The following SYTL2 variants were observed in gnomAD, a reference collection of about 807,000 sequenced individuals.
SYTL2 encodes synaptotagmin-like protein 2.
A neutral mutation model predicts 198.7 loss-of-function variants in SYTL2; 165 were observed. The observed-to-expected ratio is 0.83, with a 90% CI of 0.73 to 0.94. The LOEUF (loss-of-function observed/expected upper bound fraction) is 0.94, where lower values mean the gene tolerates loss of function less well. SYTL2 is among the 40% of genes least tolerant of loss of function. The pLI, the probability that SYTL2 is intolerant of heterozygous loss-of-function variation, is 0.00. For synonymous variants in SYTL2, 966 were observed against 917.7 expected, an observed-to-expected ratio of 1.05 and a Z score of -0.95; for missense variants, 2,835 against 2,582.8, an observed-to-expected ratio of 1.10 and a Z score of -2.12.
chr11:85,728,787 G>C (rs947247514), intron 7 of SYTL2, among the ~76,000 whole-genome samples: 1 of 152,098 alleles, frequency 6.6e-6, no homozygotes, highest in African/African-American at 2.4e-5. Context: ...TTTCAAATAA[G>C]ACTAAACAAG....
intron 1 of SYTL2, among the ~76,000 whole-genome samples, chr11:85,790,099 A>G (rs1207706137): frequency 1.3e-5 from 2 of 152,134 alleles, no homozygotes; most frequent in African/African-American, 4.8e-5. Context: ...CACAGCCTGA[A>G]GGTAATTTTT....
Position 85,726,140 on chromosome 11 carries a change from G to A in SYTL2, c.3218C>T (p.Pro1073Leu), listed in dbSNP as rs2089140198. 2.5e-6 allele frequency: 4 copies of A among 1,613,974 alleles called. No individual in the cohort carries two copies. The South Asian group carries it at 3.3e-5, about 13-fold the overall frequency. Residue 1073 changes from proline (P) to leucine (L), a missense_variant, in exon 8 of 20, where the codon CCA becomes CTA. Around this residue, in one of 3 missense-constraint regions of SYTL2, gnomAD observed 2,645 missense variants for 2,381.7 expected, o/e 1.11. Transcript: ENST00000359152. ...LPDEITFPLSPLRKYTYQLPG... is the reference protein window; with the variant it reads ...LPDEITFPLSLLRKYTYQLPG... ...CAACTGATAAGTATACTTTCTAAGT[G>A]GACTCAAAGGAAATGTGATTTCATC...
At chr11:85,711,297 T>C (rs2086234936) in intron 12 of SYTL2, 65 bp from the exon 13 acceptor site, 1 of 1,549,590 alleles carries the variant, frequency 6.5e-7, no homozygotes, top group African/African-American at 1.4e-5. Context: ...AGAATCTCTG[T>C]TTAGGCAAAG....
At chr11:85,823,810 C>T in the SYTL2 span, among the ~76,000 whole-genome samples, 1 of 152,206 alleles carries the variant, frequency 6.6e-6, no homozygotes, top group Non-Finnish European at 1.5e-5. Flanking sequence ...TCTTAAGGCA[C>T]TAGCTCAAAT....
intron 17 of SYTL2, among the ~76,000 whole-genome samples, chr11:85,700,144 A>G (rs964739156): frequency 5.3e-5 from 8 of 152,200 alleles, no homozygotes; most frequent in Non-Finnish European, 1.0e-4. Flanking sequence ...CAGAAAGTAA[A>G]ATGATGATTA....
chr11:85,799,986 G>A (rs1214319850), intron 1 of SYTL2, among the ~76,000 whole-genome samples: 1 of 152,128 alleles, frequency 6.6e-6, no homozygotes, highest in Non-Finnish European at 1.5e-5. Context: ...ATAGTTTAAA[G>A]AGAATAGCAA....
At chr11:85,799,398 A>T (rs2092851280) in intron 1 of SYTL2, among the ~76,000 whole-genome samples, 1 of 152,230 alleles carries the variant, frequency 6.6e-6, no homozygotes, top group Admixed American at 6.5e-5. Flanking sequence ...ACTTCCTGCC[A>T]TGATGAACCA....
At chr11:85,763,584 T>A (rs549307833) in intron 1 of SYTL2, among the ~76,000 whole-genome samples, 3 of 152,196 alleles carry the variant, frequency 2.0e-5, no homozygotes, top group Non-Finnish European at 4.4e-5. Context: ...CAGACAGTAT[T>A]GTTGTACCAA....
chr11:85,799,000 T>G (rs1340547520), intron 1 of SYTL2, among the ~76,000 whole-genome samples: 1 of 152,242 alleles, frequency 6.6e-6, no homozygotes, highest in Non-Finnish European at 1.5e-5. Flanking sequence ...CAAGCAGGCC[T>G]TTCTATGGAC....
At chr11:85,852,319 G>C in the SYTL2 span, among the ~76,000 whole-genome samples, 2 of 152,166 alleles carry the variant, frequency 1.3e-5, no homozygotes, top group African/African-American at 4.8e-5. Flanking sequence ...CCAGGACATA[G>C]ACGCTCCTAG....
At chr11:85,787,629 A>G (rs1361376291) in intron 1 of SYTL2, among the ~76,000 whole-genome samples, 1 of 151,832 alleles carries the variant, frequency 6.6e-6, no homozygotes, top group Non-Finnish European at 1.5e-5. Flanking sequence ...ACATCACTTC[A>G]GAAAGCAACT....
intron 17 of SYTL2, among the ~76,000 whole-genome samples, chr11:85,698,489 T>A (rs1288320880): frequency 6.6e-6 from 1 of 152,198 alleles, no homozygotes; most frequent in African/African-American, 2.4e-5. Context: ...TATTTGGGTA[T>A]AAAGTAACCA....
chr11:85,705,225 G>A, intron 15 of SYTL2, 197 bp from the exon 16 acceptor site: 1 of 458,450 alleles, frequency 2.2e-6, no homozygotes, highest in Non-Finnish European at 3.9e-6. Flanking sequence ...CATAAAAGCT[G>A]ATTTGCTTCC....
intron 1 of SYTL2, among the ~76,000 whole-genome samples, chr11:85,767,216 G>C (rs918188605): frequency 6.6e-6 from 1 of 152,178 alleles, no homozygotes; most frequent in African/African-American, 2.4e-5. Flanking sequence ...TGATGAAAAA[G>C]GGTTAGACCA....
At chr11:85,793,114 C>A (rs964974417) in intron 1 of SYTL2, among the ~76,000 whole-genome samples, 2 of 151,732 alleles carry the variant, frequency 1.3e-5, no homozygotes, top group African/African-American at 4.9e-5. Flanking sequence ...TTTATAGCAG[C>A]ATGATTTATA....
intron 4 of SYTL2, among the ~76,000 whole-genome samples, chr11:85,740,887 G>C (rs2090735534): frequency 6.6e-6 from 1 of 152,108 alleles, no homozygotes; most frequent in Admixed American, 6.5e-5. Context: ...ATAACATCAG[G>C]AAGGGCCACT....
chr11:85,779,330 C>G (rs2092516803), intron 1 of SYTL2, among the ~76,000 whole-genome samples: 1 of 152,022 alleles, frequency 6.6e-6, no homozygotes, highest in Non-Finnish European at 1.5e-5. Context: ...GAAGTTATTG[C>G]TATTGCTATT....
At chr11:85,703,486 A>T (rs2084649638) in intron 16 of SYTL2, among the ~76,000 whole-genome samples, 1 of 152,200 alleles carries the variant, frequency 6.6e-6, no homozygotes, top group Non-Finnish European at 1.5e-5. Context: ...CATCTTCAAA[A>T]CACTGAAAGA....
At chr11:85,711,367 C>T (rs1303975918) in intron 12 of SYTL2, 135 bp from the exon 13 acceptor site, 9 of 913,340 alleles carry the variant, frequency 9.9e-6, no homozygotes, top group Non-Finnish European at 1.5e-5. Flanking sequence ...GTGCTAATTG[C>T]CAGGGTATGG....
Sources: allele counts gnomAD v4.1 joint callset (sites outside exome capture counted in the v4.1 genomes callset), GRCh38; gene constraint gnomAD v4.1.1; regional missense constraint gnomAD v4.1.1; transcripts MANE v1.5; gene names NCBI Gene and HGNC (gene_info 2026-07-23, HGNC 2026-07-21).